The following TRPA1 variants were observed in gnomAD, a reference collection of about 807,000 sequenced individuals.
TRPA1 encodes the protein ankyrin-like with transmembrane domains 1.
TRPA1 carries 129 observed loss-of-function variants against 131.3 expected under a neutral mutation model. That is an observed-to-expected ratio of 0.98 (90% CI 0.85 to 1.14). The LOEUF is 1.14. TRPA1 is among the 50% of genes most tolerant of loss of function. The pLI, the probability that TRPA1 is intolerant of heterozygous loss-of-function variation, is 0.00. For synonymous variants in TRPA1, 441 were observed against 451.7 expected (o/e 0.98, Z 0.30); for missense variants, 1,304 against 1,354.2 (o/e 0.96, Z 0.58).
At chr8:72,077,284 CAG>C (rs1161525521), upstream of TRPA1, among the ~76,000 whole-genome samples, 1 of 23,086 alleles carries the variant, frequency 4.3e-5, no homozygotes, top group South Asian at 1.7e-3. Flanking sequence ...CAGGGGGTGA[CAG>C]GGGTGGGGGG....
chr8:72,050,069 T>C (rs1805459784), intron 15 of TRPA1, among the ~76,000 whole-genome samples: 1 of 152,136 alleles, frequency 6.6e-6, no homozygotes, highest in African/African-American at 2.4e-5. Context: ...CATTAGGTAT[T>C]TATCCTAATG....
chr8:72,036,005 CA>C (rs58197251), intron 21 of TRPA1, among the ~76,000 whole-genome samples: 8,316 of 46,226 alleles, frequency 0.18, 129 homozygotes, highest in East Asian at 0.3. Context: ...TCCCCCTCCA[CA>C]AAAAAAAAAA....
intron 8 of TRPA1, among the ~76,000 whole-genome samples, chr8:72,058,225 A>G (rs969344107): frequency 1.3e-5 from 2 of 152,190 alleles, no homozygotes; most frequent in Non-Finnish European, 2.9e-5. Flanking sequence ...ACAAAACACC[A>G]TTCACTTTTT....
chr8:72,049,866 G>T (rs1380766367), intron 15 of TRPA1, among the ~76,000 whole-genome samples: 1 of 152,118 alleles, frequency 6.6e-6, no homozygotes. Flanking sequence ...AATTGCATAA[G>T]AATGACAATA....
At chr8:72,024,474 T>C (rs10108446) in intron 25 of TRPA1, among the ~76,000 whole-genome samples, 73,454 of 151,830 alleles carry the variant, frequency 0.48, 18,200 homozygotes, top group East Asian at 0.77. Flanking sequence ...GCACAGGCCA[T>C]CCAGGAAGTC....
chr8:72,028,002 G>T (rs904581071), intron 24 of TRPA1, among the ~76,000 whole-genome samples: 10 of 152,098 alleles, frequency 6.6e-5, no homozygotes, highest in Non-Finnish European at 1.5e-4. Context: ...CTATTCCCCA[G>T]GGTATTTTAA....
At chr8:72,051,213 G>A (rs1048429901) in intron 14 of TRPA1, among the ~76,000 whole-genome samples, 20 of 152,134 alleles carry the variant, frequency 1.3e-4, no homozygotes, top group Admixed American at 3.3e-4. Flanking sequence ...AGCTGACCAC[G>A]TTGGGTAGAG....
the TRPA1 span, among the ~76,000 whole-genome samples, chr8:72,088,366 CTTTT>C: frequency 4.9e-5 from 4 of 81,204 alleles, no homozygotes; most frequent in African/African-American, 1.8e-4. Context: ...TCTTTGAAAA[CTTTT>C]TTTTTTTTTT....
In TRPA1 at chr8:72,059,385, G is replaced by T. The variant is rs372006667; in HGVS notation, c.993+5C>A. ...TAAAAATAAACCAGTAAAAGGAATAGTTACCACTGAAATTAAATAGTCTGC... is the reference window on the plus strand; with the variant it reads ...TAAAAATAAACCAGTAAAAGGAATATTTACCACTGAAATTAAATAGTCTGC... On this transcript the variant is annotated splice_donor_5th_base_variant and intron_variant, in intron 8 of 26. Coordinates refer to ENST00000262209, the MANE Select transcript of TRPA1 (RefSeq NM_007332.3). 3.2e-6 allele frequency: 5 copies of T among 1,550,276 alleles called. No individual in the cohort carries two copies. The Admixed American group carries it at 5.1e-5, about 16-fold the overall frequency.
At chr8:72,045,671 GGCTGCTATT>G (rs1326050655) in intron 17 of TRPA1, among the ~76,000 whole-genome samples, 2 of 151,008 alleles carry the variant, frequency 1.3e-5, no homozygotes, top group African/African-American at 4.9e-5. Flanking sequence ...CACAATTGTG[GGCTGCTATT>G]GCCACATGGC....
rs367669333 is a variant in TRPA1, at chr8:72,061,540, A to T, written c.944+85T>A. ...TTTGAACCACAAAATCTTTGCTAGC[A>T]TTAGTGCTAACTGCTCCTTGCAATG... On this transcript the variant is annotated intron_variant, in intron 7 of 26. Transcript: ENST00000262209. 110 of 1,528,278 alleles carry T rather than the reference A, an allele frequency of 7.2e-5. No homozygotes were observed. The East Asian group carries it at 2.4e-3, about 33-fold the overall frequency. The allele number at this position is 1,528,278 out of a possible 1,614,324, so 94.7% of individuals were successfully genotyped here. A position where few individuals can be genotyped will look rare whatever the true frequency, so the allele number is the denominator to read the frequency against.
chr8:72,023,224 G>A lies in TRPA1; in HGVS notation c.3150-108C>T, dbSNP rs1272129536. On this transcript the variant is annotated intron_variant, in intron 26 of 26. Coordinates refer to ENST00000262209, the MANE Select transcript of TRPA1 (RefSeq NM_007332.3). ...CTCGGTCCCTTCTGAATGTAGGAACGCATAGGTTTTAACCTCGGTAGTCAC... is the reference window on the plus strand; with the variant it reads ...CTCGGTCCCTTCTGAATGTAGGAACACATAGGTTTTAACCTCGGTAGTCAC... 8 of 820,274 alleles carry A rather than the reference G, an allele frequency of 9.8e-6. No individual in the cohort carries two copies. In the Admixed American group the frequency reaches 1.3e-4, roughly 13 times the overall value. The allele number at this position is 820,274 out of a possible 1,614,324, so 50.8% of individuals were successfully genotyped here. A position where few individuals can be genotyped will look rare whatever the true frequency, so the allele number is the denominator to read the frequency against.
chr8:72,023,224 G>T, intron 26 of TRPA1, 108 bp from the exon 27 acceptor site: 2 of 820,338 alleles, frequency 2.4e-6, no homozygotes, highest in South Asian at 1.5e-5. Context: ...ATGTAGGAAC[G>T]CATAGGTTTT....
At chr8:72,085,402 TCA>T in the TRPA1 span, among the ~76,000 whole-genome samples, 1 of 151,912 alleles carries the variant, frequency 6.6e-6, no homozygotes, top group African/African-American at 2.4e-5. Flanking sequence ...ATGTATATAA[TCA>T]GTTATTTATT....
Position 72,071,736 on chromosome 8 carries a change from C to CTTCT in TRPA1, c.239_242dup (p.Ile82GlufsTer13). On this transcript the variant is annotated frameshift_variant, in exon 2 of 27. Coordinates refer to ENST00000262209, the MANE Select transcript of TRPA1 (RefSeq NM_007332.3). LOFTEE classifies it high-confidence loss of function. Reference sequence around the variant, plus strand: ...CTTCCAAAGAGGAATCTCTGGTGATCTTCTCCATTAGCTCAATTTGGCCTT... The same window carrying CTTCT: ...CTTCCAAAGAGGAATCTCTGGTGATCTTCTTTCTCCATTAGCTCAATTTGGCCTT... The CTTCT allele has an allele frequency of 6.2e-7, 1 of 1,613,754 alleles. No individual in the cohort carries two copies. Among genetic ancestry groups the CTTCT allele is most frequent in the South Asian group, 1.1e-5 (1 of 91,060 alleles).
At chr8:72,027,546 C>T (rs895259984) in intron 24 of TRPA1, among the ~76,000 whole-genome samples, 7 of 152,142 alleles carry the variant, frequency 4.6e-5, no homozygotes, top group Non-Finnish European at 8.8e-5. Context: ...CAGCTTCAAG[C>T]CCCTCAAAAT....
At position 72,029,987 on chromosome 8, in the gene TRPA1, A is replaced by G; in HGVS notation, c.2869-18T>C. On this transcript the variant is annotated intron_variant, in intron 23 of 26. Transcript: ENST00000262209. ...AAACCAATCTGAAGTATGACACAAA[A>G]TTAAATCACTACAGTTGAATGGTCC... is the stretch of plus-strand genomic sequence containing the variant. The G allele has an allele frequency of 2.5e-6, 4 of 1,609,612 alleles. No individual in the cohort carries two copies. The highest frequency in any genetic ancestry group is 3.4e-6 in the Non-Finnish European group (4 of 1,175,970).
Position 72,071,760 on chromosome 8 carries a change from T to C in TRPA1, c.219A>G (p.Glu73=), listed in dbSNP as rs1286729795. 1 of 1,613,854 alleles carries C rather than the reference T, an allele frequency of 6.2e-7. No individual in the cohort carries two copies. Among genetic ancestry groups the C allele is most frequent in the Non-Finnish European group, 8.5e-7 (1 of 1,179,874 alleles). The change falls in exon 2 of 27, where the codon GAA becomes GAG. Residue 73 remains glutamate (E), a synonymous_variant. Transcript: ENST00000262209. The part of the protein sequence containing the change: ...DTFFLHYAAA[E]GQIELMEKIT... ...TCTTCTCCATTAGCTCAATTTGGCC[T>C]TCTGCTGCAGCATAATGCAAGAAGA...
chr8:72,060,494 T>A (rs1490330738), intron 7 of TRPA1: 1 of 152,176 alleles, frequency 6.6e-6, no homozygotes, highest in Non-Finnish European at 1.5e-5. Context: ...TTTAACTTAT[T>A]TTTTACTGAA....
Sources: gnomAD v4.1 joint callset for allele counts (sites outside exome capture counted in the v4.1 genomes callset) on GRCh38, gnomAD v4.1.1 for gene constraint, MANE v1.5 for transcripts, NCBI Gene and HGNC (gene_info 2026-07-23, HGNC 2026-07-21) for gene names.